Variants in RIN1 observed in about 807,000 individuals in gnomAD.
The protein encoded by RIN1 is ras inhibitor 1.
Under a neutral mutation model 64.9 loss-of-function variants are expected in RIN1, and 52 were observed. That is an observed-to-expected ratio of 0.80 (90% CI 0.64 to 1.01). The LOEUF (loss-of-function observed/expected upper bound fraction) is 1.01. RIN1 is among the 50% of genes least tolerant of loss of function. The probability of loss-of-function intolerance (pLI) is 0.00; values close to 1 mark genes in which losing one functional copy is unlikely to be tolerated. For synonymous variants in RIN1, 486 were observed against 483.6 expected (o/e 1.00, Z -0.06); for missense variants, 1,040 against 1,064.5 (o/e 0.98, Z 0.32).
Position 66,334,533 on chromosome 11 carries a change from C to T in RIN1, c.1266G>A (p.Leu422=), listed in dbSNP as rs1294819686. ...MLSAELGPEK[L]LSPKRLEHVL... is the part of the protein sequence containing the mutation. ...CCTCACCCAGCCTCTTAGGCGACAG[C>T]AGCTTCTCAGGGCCCAGCTCCGCAC... Residue 422 remains leucine (L), a synonymous_variant, in exon 6 of 10, where the codon CTG becomes CTA. Coordinates refer to ENST00000311320, the MANE Select transcript of RIN1 (RefSeq NM_004292.3). 1.3e-6 allele frequency: 2 copies of T among 1,594,562 alleles called. No individual in the cohort carries two copies. The highest frequency in any genetic ancestry group is 1.7e-6 in the Non-Finnish European group (2 of 1,172,092).
intron 9 of RIN1, 100 bp from the exon 10 acceptor site, chr11:66,332,852 G>A (rs1361099600): frequency 7.6e-6 from 7 of 924,556 alleles, no homozygotes; most frequent in Non-Finnish European, 1.1e-5. Context: ...CAGGGACAGG[G>A]TGGGTAGGTG....
At chr11:66,334,335 G>A (rs926872489) in intron 6 of RIN1, 111 bp from the exon 7 acceptor site, 9 of 1,231,252 alleles carry the variant, frequency 7.3e-6, no homozygotes, top group African/African-American at 4.6e-5. Context: ...GAAAGCAGGA[G>A]GAGGTAGCCT....
Position 66,336,008 on chromosome 11 carries a change from T to C in RIN1, c.237A>G (p.Ala79=), listed in dbSNP as rs1347216487. The C allele has an allele frequency of 2.7e-6, 4 of 1,469,076 alleles. No homozygotes were observed. Among genetic ancestry groups the C allele is most frequent in the South Asian group, 1.4e-5 (1 of 69,832 alleles). 91.0% of individuals were successfully genotyped at this position (1,469,076 alleles called of 1,614,324 possible). The change falls in exon 2 of 10, where the codon GCA becomes GCG. Residue 79 remains alanine (A), a synonymous_variant. Coordinates refer to ENST00000311320, the MANE Select transcript of RIN1 (RefSeq NM_004292.3). The part of the protein sequence containing the change: ...WLQLQANAAA[A]LHMLRTEPPG... ...GGGGCTCGGTCCTCAGCATGTGCAG[T>C]GCGGCCGCTGCGTTGGCTTGCAGCT...
rs10633817 is a variant in RIN1 at position 66,330,764 on chromosome 11, TCAAA to T, written c.*1508_*1511del. The T allele has an allele frequency of 1.9e-4, 29 of 152,408 alleles. No homozygotes were observed. Among genetic ancestry groups the T allele is most frequent in the East Asian group, 9.6e-4 (5 of 5,190 alleles). The allele number at this position is 152,408 out of a possible 1,614,324, so 9.4% of individuals were successfully genotyped here. A position where few individuals can be genotyped will look rare whatever the true frequency, so the allele number is the denominator to read the frequency against. On this transcript the variant is annotated 3_prime_UTR_variant, in exon 10 of 10. Transcript: ENST00000311320. ...CAGAGCGACAGAGCAAAACTCCATC[TCAAA>T]CAAACAAACAAACAAAAAAACCCAA...
chr11:66,335,513 G>A lies in RIN1; in HGVS notation c.456-15C>T. 1.2e-6 allele frequency: 2 copies of A among 1,613,332 alleles called. No individual in the cohort carries two copies. The highest frequency in any genetic ancestry group is 1.1e-5 in the South Asian group (1 of 91,058). ...GAAGGATGTCCCTGAGGCCAGAGAG[G>A]GGAGCAGAAGGGAGTGAGGGCCGAA... On this transcript the variant is annotated splice_polypyrimidine_tract_variant and intron_variant, in intron 4 of 9. Coordinates refer to ENST00000311320, the MANE Select transcript of RIN1 (RefSeq NM_004292.3).
chr11:66,334,064 G>T lies in RIN1; in HGVS notation c.1446C>A (p.Ser482=), dbSNP rs1202114703. 6.4e-7 allele frequency: 1 copy of T among 1,572,558 alleles called. No individual in the cohort carries two copies. Among genetic ancestry groups the T allele is most frequent in the Non-Finnish European group, 8.6e-7 (1 of 1,159,882 alleles). ...ARAQGPGAFG[S]HLSLPSPVEL... is the part of the protein sequence containing the mutation. ...CTACTGGGGAGGGCAGGCTCAGGTG[G>T]GACCCGAAGGCTCCGGGGCCCTGGG... The change falls in exon 7 of 10, where the codon TCC becomes TCA. Residue 482 remains serine, a synonymous_variant. Transcript: ENST00000311320.
chr11:66,335,483 G>C lies in RIN1; in HGVS notation c.471C>G (p.Leu157=). The C allele has an allele frequency of 3.7e-6, 6 of 1,613,354 alleles. No individual in the cohort carries two copies. Among genetic ancestry groups the C allele is most frequent in the Non-Finnish European group, 5.1e-6 (6 of 1,179,358 alleles). The change falls in exon 5 of 10, where the codon CTC becomes CTG. Residue 157 remains leucine, a synonymous_variant. Transcript: ENST00000311320. The part of the protein sequence containing the change: ...AYCHTRDILL[L]PLQLPRAIHH... The stretch of plus-strand genomic sequence containing the variant: ...GGATGGCTCTGGGGAGCTGCAGCGG[G>C]AGGAGAAGGATGTCCCTGAGGCCAG...
chr11:66,334,402 A>G, intron 6 of RIN1, 112 bp downstream of exon 6: 1 of 1,432,452 alleles, frequency 7.0e-7, no homozygotes, highest in Non-Finnish European at 9.5e-7. Context: ...AACAGTGGTA[A>G]GACAAGATGG....
Position 66,332,523 on chromosome 11 carries a change from C to A in RIN1, c.2105G>T (p.Arg702Leu). 1.9e-6 allele frequency: 3 copies of A among 1,613,734 alleles called. No individual in the cohort carries two copies. Among genetic ancestry groups the A allele is most frequent in the East Asian group, 2.2e-5 (1 of 44,880 alleles). ...CTGGGTCTCAGGCCACTCCGCCCGG[C>A]GGTAGACGAGGTAGCCAGTGGTGGG... ...RLPTTGYLVY[R>L]RAEWPETQGA... is the part of the protein sequence containing the mutation. The change falls in exon 10 of 10, where the codon CGC becomes CTC. Residue 702 changes from arginine to leucine, a missense_variant. Physicochemically the swap from Arg to Leu is moderately radical, Grantham distance 102. Transcript: ENST00000311320.
At chr11:66,336,654 C>T, upstream of RIN1, 1 of 489,100 alleles carries the variant, frequency 2.0e-6, no homozygotes, top group Non-Finnish European at 3.7e-6. Flanking sequence ...CGGCCTCCTG[C>T]AGCCTCACCA....
In RIN1 at chr11:66,336,082, C is replaced by T. The variant is rs773943160; in HGVS notation, c.163G>A (p.Val55Ile). Residue 55 changes from valine (V) to isoleucine (I), a missense_variant, in exon 2 of 10, where the codon GTT becomes ATT. Physicochemically the swap from Val to Ile is conservative, Grantham distance 29 (BLOSUM62 3). Coordinates refer to ENST00000311320, the MANE Select transcript of RIN1 (RefSeq NM_004292.3). Reference sequence around the variant, plus strand: ...AGCAGGCGCTCCCGCAGGCTCACAACGCGCCCCGGCCGCTGCGGCCCGCCT... The same window carrying T: ...AGCAGGCGCTCCCGCAGGCTCACAATGCGCCCCGGCCGCTGCGGCCCGCCT... ...QAGGPQRPGR[V>I]VSLRERLLLT... The T allele has an allele frequency of 2.0e-5, 29 of 1,457,534 alleles. No individual in the cohort carries two copies. The highest frequency in any genetic ancestry group is 2.2e-4 in the Middle Eastern group (1 of 4,522). The allele number at this position is 1,457,534 out of a possible 1,614,324, so 90.3% of individuals were successfully genotyped here.
At chr11:66,335,716 G>A (rs1193591194) in intron 3 of RIN1, 34 bp from the exon 4 acceptor site, 1 of 1,611,910 alleles carries the variant, frequency 6.2e-7, no homozygotes, top group African/African-American at 1.3e-5. Flanking sequence ...GCTTCTCTGG[G>A]GAACCTCCCT....
In RIN1 at chr11:66,335,374, TCATCTGTGCAATGGGTGG is replaced by T. The variant is rs772623156; in HGVS notation, c.547+15_547+32del. ...TGCCTTCCCCTCGGCCTCAGCTTGT[TCATCTGTGCAATGGGTGG>T]CAGGAAGCCCTTACCAATGCCCAGA... On this transcript the variant is annotated intron_variant, in intron 5 of 9. Transcript: ENST00000311320. The T allele has an allele frequency of 2.5e-6, 4 of 1,576,208 alleles. No homozygotes were observed. Among genetic ancestry groups the T allele is most frequent in the Non-Finnish European group, 3.5e-6 (4 of 1,158,376 alleles).
chr11:66,335,645 G>A lies in RIN1; in HGVS notation c.420C>T (p.Asp140=). The stretch of plus-strand genomic sequence containing the variant: ...AGTAGGCACAGATGAGCTGGACTAG[G>A]TCTGGGAACATGAGCTCCGAGCCCT... ...SLEGSELMFP[D]LVQLICAYCH... The change falls in exon 4 of 10, where the codon GAC becomes GAT. Residue 140 remains aspartate (D), a synonymous_variant. Coordinates refer to ENST00000311320, the MANE Select transcript of RIN1 (RefSeq NM_004292.3). The A allele has an allele frequency of 6.2e-7, 1 of 1,613,774 alleles. No individual in the cohort carries two copies. The highest frequency in any genetic ancestry group is 8.5e-7 in the Non-Finnish European group (1 of 1,179,842).
In RIN1 at chr11:66,333,524, C is replaced by T. The variant is rs779833570; in HGVS notation, c.1723+3G>A. On this transcript the variant is annotated splice_donor_region_variant and intron_variant, in intron 8 of 9. Coordinates refer to ENST00000311320, the MANE Select transcript of RIN1 (RefSeq NM_004292.3). ...GACAGGGAGGTGGGTGGGGGTCCCT[C>T]ACCCTCTCCAGTAAGCAGGCTGGGC... The T allele has an allele frequency of 6.2e-7, 1 of 1,612,952 alleles. No homozygotes were observed. Among genetic ancestry groups the T allele is most frequent in the South Asian group, 1.1e-5 (1 of 91,072 alleles).
At chr11:66,335,305 C>G in intron 5 of RIN1, 54 bp from the exon 6 acceptor site, 5 of 1,553,854 alleles carry the variant, frequency 3.2e-6, no homozygotes, top group Non-Finnish European at 4.3e-6. Context: ...GGAAGTTTCC[C>G]AACCAAGGCA....
intron 5 of RIN1, 69 bp from the exon 6 acceptor site, chr11:66,335,320 A>C (rs951046659): frequency 1.4e-5 from 22 of 1,557,470 alleles, no homozygotes; most frequent in Middle Eastern, 3.4e-4. Flanking sequence ...AAGGCAAGGC[A>C]GGGGCTTCGG....
Position 66,334,801 on chromosome 11 carries a change from C to A in RIN1, c.998G>T (p.Ser333Ile). The stretch of plus-strand genomic sequence containing the variant: ...GCCCAGGTGGGGTGAGGTCGCTGGG[C>A]TCCCCCGGGACCCTGGCACCCCCTC... ...EEEGVPGSRG[S>I]PATSPHLGRR... The change falls in exon 6 of 10, where the codon AGC (serine) becomes ATC (isoleucine). Residue 333 changes from serine (S) to isoleucine (I), a missense_variant. Transcript: ENST00000311320. 6.5e-7 allele frequency: 1 copy of A among 1,547,696 alleles called. No homozygotes were observed. The highest frequency in any genetic ancestry group is 8.7e-7 in the Non-Finnish European group (1 of 1,145,666).
At position 66,336,389 on chromosome 11, in the gene RIN1, C is replaced by T; in HGVS notation, c.14G>A (p.Gly5Glu). The T allele has an allele frequency of 6.2e-7, 1 of 1,613,136 alleles. No individual in the cohort carries two copies. The highest frequency in any genetic ancestry group is 8.5e-7 in the Non-Finnish European group (1 of 1,179,628). The part of the protein sequence containing the change: MESP[G>E]ESGAGSPGAP... Reference sequence around the variant, plus strand: ...TCCAGGAGAGCCCGCGCCTGACTCTCCAGGGCTTTCCATGGCTGGGAGCTC... The same window carrying T: ...TCCAGGAGAGCCCGCGCCTGACTCTTCAGGGCTTTCCATGGCTGGGAGCTC... Residue 5 changes from glycine to glutamate, a missense_variant, in exon 1 of 10, where the codon GGA becomes GAA. Coordinates refer to ENST00000311320, the MANE Select transcript of RIN1 (RefSeq NM_004292.3).
Sources: allele counts gnomAD v4.1 joint callset, GRCh38; gene constraint gnomAD v4.1.1; transcripts MANE v1.5; gene names NCBI Gene and HGNC (gene_info 2026-07-23, HGNC 2026-07-21).